The following CRY1 variants were observed in gnomAD, a reference collection of about 807,000 sequenced individuals.
The protein encoded by CRY1 is cryptochrome circadian regulator 1.
CRY1 carries 45 observed loss-of-function variants against 76.0 expected under a neutral mutation model. The ratio of observed to expected loss-of-function variants is 0.59; its 90% CI spans 0.47 to 0.76. CRY1 has a LOEUF of 0.76. CRY1 is among the 30% of genes least tolerant of loss of function. The probability of loss-of-function intolerance (pLI) is 0.00; values close to 1 mark genes in which losing one functional copy is unlikely to be tolerated. For missense variants in CRY1, 587 were observed against 716.4 expected (o/e 0.82, Z 2.06); for synonymous variants, 248 against 244.0 (o/e 1.02, Z -0.15).
chr12:107,073,359 G>A (rs1241064763), intron 1 of CRY1, among the ~76,000 whole-genome samples: 1 of 151,776 alleles, frequency 6.6e-6, no homozygotes, highest in Non-Finnish European at 1.5e-5. Context: ...TCAGCCTCCT[G>A]AGCAGCTGGG....
At chr12:107,018,713 A>G (rs987966337) in intron 2 of CRY1, among the ~76,000 whole-genome samples, 2 of 152,332 alleles carry the variant, frequency 1.3e-5, no homozygotes, top group Middle Eastern at 3.4e-3. Flanking sequence ...CCTTATTAAA[A>G]GTTTCTGCAG....
intron 2 of CRY1, among the ~76,000 whole-genome samples, chr12:107,020,446 A>G (rs2136842831): frequency 6.6e-6 from 1 of 152,212 alleles, no homozygotes; most frequent in East Asian, 1.9e-4. Context: ...TTGGAAGTGG[A>G]GCCTGGTGGG....
At chr12:107,011,495 T>TA (rs947802313) in intron 2 of CRY1, among the ~76,000 whole-genome samples, 17 of 151,060 alleles carry the variant, frequency 1.1e-4, no homozygotes, top group East Asian at 5.8e-4. Flanking sequence ...ACATGAATCA[T>TA]AAAAAAAAAC....
At chr12:107,027,253 T>A (rs1339053948) in intron 1 of CRY1, among the ~76,000 whole-genome samples, 1 of 152,198 alleles carries the variant, frequency 6.6e-6, no homozygotes, top group Non-Finnish European at 1.5e-5. Context: ...GAAATGCATG[T>A]GCTCTGGGAC....
chr12:107,088,832 C>A (rs1921130), intron 1 of CRY1, among the ~76,000 whole-genome samples: 6 of 152,196 alleles, frequency 3.9e-5, no homozygotes, highest in Non-Finnish European at 8.8e-5. Flanking sequence ...GTACAATCAT[C>A]CATCACCTTC....
intron 1 of CRY1, among the ~76,000 whole-genome samples, chr12:107,057,922 G>A (rs1221441479): frequency 1.3e-5 from 2 of 151,900 alleles, no homozygotes; most frequent in Non-Finnish European, 2.9e-5. Flanking sequence ...AAATTAGCTG[G>A]GCATGGTGGC....
At position 107,070,666 on chromosome 12, in the gene CRY1, TTTTATTTATTTATTTA is replaced by T. The variant is rs376585116; in HGVS notation, c.158+22122_158+22137del. 3.6e-3 allele frequency among the ~76,000 whole-genome samples: 500 copies of T among 139,682 alleles called. 2 individuals carry two copies. Among genetic ancestry groups the T allele is most frequent in the South Asian group, 7.6e-3 (32 of 4,218 alleles). The allele number at this position is 139,682 out of a possible 152,430, so 91.6% of individuals were successfully genotyped here. On this transcript the variant is annotated intron_variant, in intron 1 of 12. Transcript: ENST00000008527. ...TAGCCACATCGCTGGATTCTCTTAT[TTTTATTTATTTATTTA>T]TTTATTTATTTATTTATTTATTTAT...
intron 2 of CRY1, among the ~76,000 whole-genome samples, chr12:107,013,304 GA>G (rs1952464906): frequency 6.6e-6 from 1 of 152,152 alleles, no homozygotes; most frequent in Non-Finnish European, 1.5e-5. Flanking sequence ...ATTGAGGCAA[GA>G]ACCTCCACCA....
chr12:106,999,458 A>G (rs1952275448), intron 7 of CRY1, 93 bp downstream of exon 7: 1 of 1,214,068 alleles, frequency 8.2e-7, no homozygotes, highest in Non-Finnish European at 1.1e-6. Context: ...CTACACCATA[A>G]ATGAATCTAT....
intron 12 of CRY1, chr12:106,992,522 A>G (rs1952190161): frequency 3.5e-6 from 1 of 284,908 alleles, no homozygotes; most frequent in African/African-American, 2.2e-5. Flanking sequence ...TCTTTTTCTA[A>G]GAAAAAACTT....
At chr12:107,075,729 T>C (rs1203086784) in intron 1 of CRY1, among the ~76,000 whole-genome samples, 1 of 152,142 alleles carries the variant, frequency 6.6e-6, no homozygotes, top group East Asian at 1.9e-4. Context: ...ATGGGAAAGG[T>C]AGGCACAAAA....
intron 1 of CRY1, among the ~76,000 whole-genome samples, chr12:107,025,853 A>G (rs1397875345): frequency 2.0e-5 from 3 of 151,424 alleles, no homozygotes; most frequent in Admixed American, 6.6e-5. Flanking sequence ...TTCCTACCTC[A>G]TACCCCTTTC....
At chr12:107,055,288 AGGAT>A (rs1049408470) in intron 1 of CRY1, among the ~76,000 whole-genome samples, 2 of 152,134 alleles carry the variant, frequency 1.3e-5, no homozygotes, top group African/African-American at 2.4e-5. Context: ...TAAGTAACAA[AGGAT>A]ATAATTCTAA....
In CRY1 at chr12:107,001,347, G is replaced by T. The variant is rs753176949; in HGVS notation, c.617C>A (p.Ser206Tyr). The T allele has an allele frequency of 1.2e-6, 2 of 1,611,924 alleles. No homozygotes were observed. Among genetic ancestry groups the T allele is most frequent in the African/African-American group, 2.7e-5 (2 of 74,762 alleles). The change falls in exon 5 of 13, where the codon TCC (serine) becomes TAC (tyrosine). Residue 206 changes from serine (S) to tyrosine (Y), a missense_variant. Physicochemically the swap from Ser to Tyr is moderately radical, Grantham distance 144. Transcript: ENST00000008527. ...TTCTCCACCTGGCCACACTGCAGAG[G>T]ATAAGCCATCTGTATCAAAACCTAC... The part of the protein sequence containing the change: ...EELGFDTDGL[S>Y]SAVWPGGETE...
chr12:107,005,142 A>C lies in CRY1; in HGVS notation c.374T>G (p.Ile125Ser). The C allele has an allele frequency of 6.2e-7, 1 of 1,613,508 alleles. No homozygotes were observed. The highest frequency in any genetic ancestry group is 8.5e-7 in the Non-Finnish European group (1 of 1,179,840). Reference sequence around the variant, plus strand: ...ATATAATGTATGTGAAATTCTTACAATGACTTCTACTCCAGCTTCAGTTGC... The same window carrying C: ...ATATAATGTATGTGAAATTCTTACACTGACTTCTACTCCAGCTTCAGTTGC... ...KLATEAGVEV[I>S]VRISHTLYDL... The change falls in exon 3 of 13, where the codon ATT (isoleucine) becomes AGT (serine). Residue 125 changes from isoleucine (I) to serine (S), a missense_variant. Physicochemically the swap from Ile to Ser is moderately radical, Grantham distance 142. Transcript: ENST00000008527.
At chr12:107,042,581 C>T (rs1354647983) in intron 1 of CRY1, among the ~76,000 whole-genome samples, 1 of 144,310 alleles carries the variant, frequency 6.9e-6, no homozygotes, top group African/African-American at 2.5e-5. Flanking sequence ...CAAAATACTT[C>T]GCCAGGTAAT....
At chr12:107,052,730 C>T (rs1228561046) in intron 1 of CRY1, among the ~76,000 whole-genome samples, 2 of 152,196 alleles carry the variant, frequency 1.3e-5, no homozygotes, top group Non-Finnish European at 2.9e-5. Flanking sequence ...AGCAGATGTA[C>T]AACACAGGTG....
intron 1 of CRY1, among the ~76,000 whole-genome samples, chr12:107,071,074 TC>T (rs998657014): frequency 1.4e-4 from 21 of 152,142 alleles, no homozygotes; most frequent in Non-Finnish European, 4.4e-5. Context: ...AATAATATTG[TC>T]CTAAAAACAG....
chr12:107,046,849 T>C (rs185888056), intron 1 of CRY1, among the ~76,000 whole-genome samples: 159 of 152,344 alleles, frequency 1.0e-3, no homozygotes, highest in Admixed American at 2.0e-3. Context: ...ACTGTTAATA[T>C]AATGTATCCA....
Sources: allele counts gnomAD v4.1 joint callset (sites outside exome capture counted in the v4.1 genomes callset), GRCh38; gene constraint gnomAD v4.1.1; transcripts MANE v1.5; gene names NCBI Gene and HGNC (gene_info 2026-07-23, HGNC 2026-07-21).